RANBP1: variants seen among roughly 807,000 people sequenced by gnomAD.
RANBP1 encodes the protein ran-specific GTPase-activating protein.
RANBP1 carries 16 observed loss-of-function variants against 31.4 expected under a neutral mutation model. That is an observed-to-expected ratio of 0.51 (90% CI 0.34 to 0.77). The LOEUF (loss-of-function observed/expected upper bound fraction) is 0.77. RANBP1 is among the 30% of genes least tolerant of loss of function. RANBP1 has a pLI of 0.01. For synonymous variants in RANBP1, 129 were observed against 140.5 expected, an observed-to-expected ratio of 0.92 and a Z score of 0.58; for missense variants, 265 against 362.0, an observed-to-expected ratio of 0.73 and a Z score of 2.17.
chr22:20,119,583 A>AGT (rs1340928589), intron 2 of RANBP1: 3 of 177,496 alleles, frequency 1.7e-5, no homozygotes, highest in African/African-American at 7.2e-5. Flanking sequence ...GCTGGAGTGC[A>AGT]GTGGTGCGAT....
chr22:20,124,917 T>C lies in RANBP1; in HGVS notation c.542-391T>C, dbSNP rs561540575. ...AGGGTCAGAATCAAGGGGATCAGGG[T>C]TGGGCTTGAGTGCAGCCCTGGGATA... On this transcript the variant is annotated intron_variant, in intron 3 of 5. Coordinates refer to ENST00000430524, the MANE Select transcript of RANBP1 (RefSeq NM_001278639.2). The C allele has an allele frequency of 2.5e-3, 680 of 275,740 alleles. 2 individuals carry two copies. The highest frequency in any genetic ancestry group is 3.8e-3 in the Middle Eastern group (3 of 780). 17.1% of individuals were successfully genotyped at this position (275,740 alleles called of 1,614,324 possible). A position where few individuals can be genotyped will look rare whatever the true frequency, so the allele number is the denominator to read the frequency against.
Position 20,127,099 on chromosome 22 carries a change from A to T in RANBP1, c.*47A>T, listed in dbSNP as rs749227604. On this transcript the variant is annotated 3_prime_UTR_variant, in exon 6 of 6. Coordinates refer to ENST00000430524, the MANE Select transcript of RANBP1 (RefSeq NM_001278639.2). ...TTCCTCTCTTTCCTTTCCTTTTTTT[A>T]AAAAATTTTACCCTGCCCCTCTTTT... 1.4e-5 allele frequency: 21 copies of T among 1,511,974 alleles called. No individual in the cohort carries two copies. The East Asian group carries it at 1.9e-4, about 14-fold the overall frequency. 93.7% of individuals were successfully genotyped at this position (1,511,974 alleles called of 1,614,324 possible). A position where few individuals can be genotyped will look rare whatever the true frequency, so the allele number is the denominator to read the frequency against.
intron 1 of RANBP1, chr22:20,117,320 T>G: frequency 2.8e-6 from 3 of 1,065,452 alleles, no homozygotes; most frequent in Non-Finnish European, 3.6e-6. Context: ...GGGACGGAAG[T>G]GCGCGCGGGT....
Position 20,119,071 on chromosome 22 carries a change from C to G in RANBP1, c.305C>G (p.Pro102Arg). 1 of 1,612,832 alleles carries G rather than the reference C, an allele frequency of 6.2e-7. No homozygotes were observed. Among genetic ancestry groups the G allele is most frequent in the Non-Finnish European group, 8.5e-7 (1 of 1,179,128 alleles). Residue 102 changes from proline to arginine, a missense_variant, in exon 2 of 6, where the codon CCT becomes CGT. Physicochemically the swap from Pro to Arg is moderately radical, Grantham distance 103. Coordinates refer to ENST00000430524, the MANE Select transcript of RANBP1 (RefSeq NM_001278639.2). ...TENTDESNHD[P>R]QFEPIVSLPE... Reference sequence around the variant, plus strand: ...AATACAGACGAGTCCAACCATGACCCTCAGTTTGAGCCAATAGTTTCTCTT... The same window carrying G: ...AATACAGACGAGTCCAACCATGACCGTCAGTTTGAGCCAATAGTTTCTCTT...
rs767267427 is a variant in RANBP1 at position 20,116,372 on chromosome 22, C to A, written c.188C>A (p.Thr63Lys). The change falls in exon 1 of 6, where the codon ACG becomes AAG. Residue 63 changes from threonine to lysine, a missense_variant. This residue lies in a region of RANBP1 where 126 missense variants were observed against 123.6 expected (regional missense o/e 1.02). Transcript: ENST00000430524. ...CRPKRPRKRR[T>K]SLKLAWRGTF... ...CCAAAGCGGCCCAGGAAGCGCCGGA[C>A]GTCGCTGAAGCTGGCGTGGCGAGGC... The A allele has an allele frequency of 3.1e-6, 5 of 1,612,376 alleles. No individual in the cohort carries two copies. The East Asian group carries it at 1.1e-4, about 36-fold the overall frequency.
chr22:20,126,210 G>C, intron 4 of RANBP1, 93 bp from the exon 5 acceptor site: 2 of 1,419,124 alleles, frequency 1.4e-6, no homozygotes, highest in Middle Eastern at 2.6e-4. Flanking sequence ...CCATGAAATG[G>C]GTCTTCTGTG....
chr22:20,125,146 G>C, intron 3 of RANBP1, 162 bp from the exon 4 acceptor site: 1 of 710,652 alleles, frequency 1.4e-6, no homozygotes, highest in Non-Finnish European at 2.4e-6. Context: ...AAACTCAGGC[G>C]CCGTGGTACT....
chr22:20,125,469 TG>T, intron 4 of RANBP1, 33 bp downstream of exon 4: 1 of 1,581,252 alleles, frequency 6.3e-7, no homozygotes, highest in Non-Finnish European at 8.6e-7. Context: ...CTGCCTGACT[TG>T]GGGCTCACCT....
At chr22:20,126,772 C>T in intron 5 of RANBP1, 180 bp from the exon 6 acceptor site, 5 of 1,336,514 alleles carry the variant, frequency 3.7e-6, no homozygotes, top group Non-Finnish European at 5.1e-6. Flanking sequence ...ACCTGGCTTC[C>T]TTTCGTCACT....
Position 20,120,158 on chromosome 22 carries a change from A to G in RANBP1, c.383+1009A>G, listed in dbSNP as rs1281840536. On this transcript the variant is annotated intron_variant, in intron 2 of 5. Transcript: ENST00000430524. Reference sequence around the variant, plus strand: ...AGGTTTTGTTGCTCTGGGGTGGGAGAGGGAAGCAGAGAGAGTCATTCCTAC... The same window carrying G: ...AGGTTTTGTTGCTCTGGGGTGGGAGGGGGAAGCAGAGAGAGTCATTCCTAC... 2.0e-5 allele frequency among the ~76,000 whole-genome samples: 3 copies of G among 152,162 alleles called. No individual in the cohort carries two copies. In the East Asian group the frequency reaches 5.8e-4, roughly 29 times the overall value.
intron 1 of RANBP1, chr22:20,117,056 C>T: frequency 2.0e-6 from 2 of 1,015,524 alleles, no homozygotes; most frequent in Middle Eastern, 2.4e-4. Flanking sequence ...GCGAGGTCGC[C>T]GCCACCCCCG....
At position 20,116,226 on chromosome 22, in the gene RANBP1, G is replaced by A. The variant is rs1329987365; in HGVS notation, c.42G>A (p.Gly14=). The A allele has an allele frequency of 6.2e-7, 1 of 1,613,016 alleles. No individual in the cohort carries two copies. The highest frequency in any genetic ancestry group is 8.5e-7 in the Non-Finnish European group (1 of 1,180,026). The change falls in exon 1 of 6, where the codon GGG becomes GGA. Residue 14 remains glycine, a synonymous_variant. Transcript: ENST00000430524. Reference sequence around the variant, plus strand: ...GCCGGGCCAGGCGCACACTGAGTGGGCGGCCTTTCCAGAGGGCACCATGCA... The same window carrying A: ...GCCGGGCCAGGCGCACACTGAGTGGACGGCCTTTCCAGAGGGCACCATGCA... The part of the protein sequence containing the change: ...ALGRARRTLS[G]RPFQRAPCKT...
At chr22:20,117,972 G>A (rs1366409030) in intron 1 of RANBP1, 2 of 1,003,148 alleles carry the variant, frequency 2.0e-6, no homozygotes, top group Non-Finnish European at 2.4e-6. Flanking sequence ...AACTGGTGCG[G>A]GCGGCGGGTT....
chr22:20,125,830 G>A (rs1285316684), intron 4 of RANBP1, among the ~76,000 whole-genome samples: 2 of 152,280 alleles, frequency 1.3e-5, no homozygotes, highest in Admixed American at 1.3e-4. Flanking sequence ...ATGGTTGCCT[G>A]GGTGCCAGCA....
chr22:20,116,756 A>G, intron 1 of RANBP1: 1 of 1,190,596 alleles, frequency 8.4e-7, no homozygotes, highest in Non-Finnish European at 1.1e-6. Context: ...TCCCGACCCC[A>G]TTCCCGTCTC....
At chr22:20,124,479 G>T (rs1331745863) in intron 3 of RANBP1, 3 of 152,588 alleles carry the variant, frequency 2.0e-5, no homozygotes, top group Non-Finnish European at 4.4e-5. Flanking sequence ...AGATAGTGAC[G>T]TGTAGGGGTA....
Position 20,121,089 on chromosome 22 carries a change from G to C in RANBP1, c.384-1175G>C, listed in dbSNP as rs919353184. On this transcript the variant is annotated intron_variant, in intron 2 of 5. Transcript: ENST00000430524. ...CTGCCTCAGCTTCTTGAATAGCTGG[G>C]GCTATAGGCGCATGCCTCCATGCCT... Among the ~76,000 whole-genome samples, 4 of 152,168 alleles carry C rather than the reference G, an allele frequency of 2.6e-5. No homozygotes were observed. In the East Asian group the frequency reaches 7.7e-4, roughly 29 times the overall value.
intron 3 of RANBP1, among the ~76,000 whole-genome samples, chr22:20,123,355 T>C (rs1453521287): frequency 7.5e-5 from 5 of 66,580 alleles, no homozygotes; most frequent in Non-Finnish European, 1.4e-4. Context: ...GTGTGTGGTG[T>C]CTGGGGGTGT....
rs180686399 is a variant in RANBP1, at chr22:20,122,085, T to C, written c.384-179T>C. On this transcript the variant is annotated intron_variant, in intron 2 of 5. Transcript: ENST00000430524. ...CCGGAATTCAAGATGACCTGGAGTT[T>C]GTTGGGCTGCTGCGCTTTCTGGTGG... Among the ~76,000 whole-genome samples, 384 of 151,912 alleles carry C rather than the reference T, an allele frequency of 2.5e-3. 4 individuals are homozygous for C. Among genetic ancestry groups the C allele is most frequent in the Non-Finnish European group, 1.4e-3 (92 of 68,008 alleles).
Sources: allele counts gnomAD v4.1 joint callset (sites outside exome capture counted in the v4.1 genomes callset), GRCh38; gene constraint gnomAD v4.1.1; regional missense constraint gnomAD v4.1.1; transcripts MANE v1.5; gene names NCBI Gene and HGNC (gene_info 2026-07-23, HGNC 2026-07-21).